The following MIB1 variants were observed in gnomAD, a reference collection of about 807,000 sequenced individuals.
The protein encoded by MIB1 is E3 ubiquitin-protein ligase MIB1.
MIB1 carries 278 observed loss-of-function variants against 124.5 expected under a neutral mutation model. That is an observed-to-expected ratio of 2.23 (90% CI 2.02 to 2.47). MIB1 has a LOEUF of 2.47. Among genes scored for constraint, MIB1 ranks in the 30% most tolerant of loss-of-function variants. The pLI is 0.00. For synonymous variants in MIB1, 446 were observed against 429.4 expected, an observed-to-expected ratio of 1.04 and a Z score of -0.48; for missense variants, 957 against 1,254.4, an observed-to-expected ratio of 0.76 and a Z score of 3.58.
chr18:21,864,203 C>T (rs1164564495), intron 20 of MIB1, among the ~76,000 whole-genome samples: 1 of 151,996 alleles, frequency 6.6e-6, no homozygotes, highest in Non-Finnish European at 1.5e-5. Context: ...CTCTGCTGCC[C>T]GCGTTCAAGT....
intron 20 of MIB1, 122 bp downstream of exon 20, chr18:21,858,768 A>T: frequency 1.7e-6 from 1 of 572,130 alleles, no homozygotes; most frequent in Admixed American, 2.8e-5. Flanking sequence ...TTATTTGCAT[A>T]TTTGCAATGA....
chr18:21,857,288 G>C, intron 19 of MIB1, 45 bp downstream of exon 19: 1 of 1,256,042 alleles, frequency 8.0e-7, no homozygotes, highest in South Asian at 1.2e-5. Flanking sequence ...CTTTTTTTTG[G>C]GACTTGCATA....
chr18:21,766,030 A>G (rs1598599621), intron 2 of MIB1, 87 bp downstream of exon 2: 3 of 1,281,052 alleles, frequency 2.3e-6, no homozygotes, highest in Non-Finnish European at 3.4e-6. Context: ...AGGATTAGCA[A>G]ATAGCTTCTG....
intron 1 of MIB1, among the ~76,000 whole-genome samples, chr18:21,763,294 A>G (rs2041119845): frequency 1.3e-5 from 2 of 152,192 alleles, no homozygotes; most frequent in South Asian, 4.1e-4. Flanking sequence ...CAGTTTTACC[A>G]TATTGTATAC....
At chr18:21,800,278 A>G (rs1447128707) in intron 9 of MIB1, among the ~76,000 whole-genome samples, 2 of 151,866 alleles carry the variant, frequency 1.3e-5, no homozygotes, top group Non-Finnish European at 2.9e-5. Context: ...ACATCATTTT[A>G]TGACATCTTC....
chr18:21,835,836 CACAA>C (rs1415294241), intron 12 of MIB1, among the ~76,000 whole-genome samples: 109 of 3,146 alleles, frequency 0.035, 1 homozygote, highest in Admixed American at 0.19. Context: ...CACACACACA[CACAA>C]ACACACACGA....
At position 21,843,163 on chromosome 18, in the gene MIB1, C is replaced by T; in HGVS notation, c.1995C>T (p.Asn665=). ...GNANLDIQNV[N]QQTALHLAVE... ...CAAACCTGGATATCCAGAATGTGAA[C>T]CAACAAACTGCCCTACACCTTGCTG... Residue 665 remains asparagine, a synonymous_variant, in exon 14 of 21, where the codon AAC becomes AAT. Coordinates refer to ENST00000261537, the MANE Select transcript of MIB1 (RefSeq NM_020774.4). 3 of 1,605,502 alleles carry T rather than the reference C, an allele frequency of 1.9e-6. No homozygotes were observed. Among genetic ancestry groups the T allele is most frequent in the Non-Finnish European group, 2.5e-6 (3 of 1,176,842 alleles).
chr18:21,815,674 T>C lies in MIB1; in HGVS notation c.1538T>C (p.Ile513Thr), dbSNP rs1568213234. ...GCTTTTGGAGATGAAGGCGCTGTTATAGAAGTACTACATCGAGGTAGTGCT... is the reference window on the plus strand; with the variant it reads ...GCTTTTGGAGATGAAGGCGCTGTTACAGAAGTACTACATCGAGGTAGTGCT... ...HAAFGDEGAV[I>T]EVLHRGSADL... The change falls in exon 11 of 21, where the codon ATA becomes ACA. Residue 513 changes from isoleucine to threonine, a missense_variant. By Grantham distance (89) the Ile-to-Thr change is moderately conservative. Coordinates refer to ENST00000261537, the MANE Select transcript of MIB1 (RefSeq NM_020774.4). 7 of 1,614,192 alleles carry C rather than the reference T, an allele frequency of 4.3e-6. No individual in the cohort carries two copies. Among genetic ancestry groups the C allele is most frequent in the Non-Finnish European group, 2.5e-6 (3 of 1,180,016 alleles).
chr18:21,806,631 T>C (rs1412490949), intron 10 of MIB1, among the ~76,000 whole-genome samples: 1 of 151,648 alleles, frequency 6.6e-6, no homozygotes, highest in African/African-American at 2.4e-5. Context: ...TTTTGTTTTT[T>C]TTTTTTTGAG....
At chr18:21,784,238 G>T (rs2041407034) in intron 6 of MIB1, among the ~76,000 whole-genome samples, 2 of 151,814 alleles carry the variant, frequency 1.3e-5, no homozygotes, top group South Asian at 4.2e-4. Context: ...TAGTAGAGAG[G>T]GGGTTTCACC....
chr18:21,836,725 C>T (rs980208426), intron 12 of MIB1, among the ~76,000 whole-genome samples: 3 of 152,148 alleles, frequency 2.0e-5, no homozygotes, highest in Non-Finnish European at 2.9e-5. Context: ...CCACTTTTCA[C>T]ATGATTTAAT....
chr18:21,767,339 A>T (rs1187445330), intron 2 of MIB1, among the ~76,000 whole-genome samples: 1 of 152,088 alleles, frequency 6.6e-6, no homozygotes, highest in African/African-American at 2.4e-5. Flanking sequence ...AAAAAGGGGG[A>T]AAGCCCCTTA....
At chr18:21,733,683 C>T (rs1004818862) in intron 1 of MIB1, among the ~76,000 whole-genome samples, 1 of 152,154 alleles carries the variant, frequency 6.6e-6, no homozygotes, top group African/African-American at 2.4e-5. Flanking sequence ...GGCTTTTCTA[C>T]ATCATCTCGT....
intron 8 of MIB1, among the ~76,000 whole-genome samples, chr18:21,799,459 A>G (rs979739416): frequency 2.6e-5 from 4 of 152,014 alleles, no homozygotes; most frequent in African/African-American, 7.2e-5. Context: ...AGTCTGTAGT[A>G]TTGAGCTCTG....
At chr18:21,755,179 C>T (rs188193518) in intron 1 of MIB1, among the ~76,000 whole-genome samples, 320 of 152,290 alleles carry the variant, frequency 2.1e-3, no homozygotes, top group African/African-American at 7.4e-3. Context: ...ACCATTTCCT[C>T]AGATGGAACT....
chr18:21,794,935 A>G (rs933549886), intron 7 of MIB1, among the ~76,000 whole-genome samples: 1 of 148,836 alleles, frequency 6.7e-6, no homozygotes, highest in Non-Finnish European at 1.5e-5. Flanking sequence ...TTGCTAGATA[A>G]TGAGTTTCAG....
chr18:21,860,873 A>G (rs1228540225), intron 20 of MIB1, among the ~76,000 whole-genome samples: 2 of 152,154 alleles, frequency 1.3e-5, no homozygotes, highest in Non-Finnish European at 2.9e-5. Context: ...TGTCTCTACA[A>G]AAATTTTTAA....
intron 18 of MIB1, among the ~76,000 whole-genome samples, chr18:21,854,419 A>G (rs1366097271): frequency 1.3e-5 from 2 of 152,212 alleles, no homozygotes; most frequent in Admixed American, 6.5e-5. Context: ...ATAAAAGCAG[A>G]TGACACGTCA....
At chr18:21,748,730 CTTTTTTTTTTT>C (rs557338460) in intron 1 of MIB1, among the ~76,000 whole-genome samples, 5 of 107,134 alleles carry the variant, frequency 4.7e-5, no homozygotes, top group African/African-American at 1.5e-4. Flanking sequence ...CATGCCCAGC[CTTTTTTTTTTT>C]TTTTTTTTTT....
Sources: allele counts gnomAD v4.1 joint callset (sites outside exome capture counted in the v4.1 genomes callset), GRCh38; gene constraint gnomAD v4.1.1; transcripts MANE v1.5; gene names NCBI Gene and HGNC (gene_info 2026-07-23, HGNC 2026-07-21).